The following ATG5 variants were observed in gnomAD, a reference collection of about 807,000 sequenced individuals.
ATG5 encodes autophagy related 5, also known as autophagy protein 5.
A neutral mutation model predicts 36.5 loss-of-function variants in ATG5; 14 were observed. The ratio of observed to expected loss-of-function variants is 0.38; its 90% confidence interval spans 0.25 to 0.60. The LOEUF is 0.60. Ranked by LOEUF, ATG5 falls within the 20% of genes least tolerant of loss-of-function variation. ATG5 has a pLI of 0.60. For missense variants in ATG5, 195 were observed against 326.7 expected, an observed-to-expected ratio of 0.60 and a Z score of 3.11; for synonymous variants, 95 against 101.5, an observed-to-expected ratio of 0.94 and a Z score of 0.38.
At chr6:106,187,881 A>G (rs1775832688) in intron 7 of ATG5, among the ~76,000 whole-genome samples, 1 of 152,068 alleles carries the variant, frequency 6.6e-6, no homozygotes, top group Non-Finnish European at 1.5e-5. Context: ...ACAGTTGATA[A>G]AAGAATGTGA....
chr6:106,284,900 T>C (rs1419504414), intron 4 of ATG5, among the ~76,000 whole-genome samples: 12 of 152,306 alleles, frequency 7.9e-5, no homozygotes. Context: ...TAAACTGTTA[T>C]TAGATAGTAT....
At chr6:106,298,298 T>C (rs562857198) in intron 3 of ATG5, among the ~76,000 whole-genome samples, 4 of 152,254 alleles carry the variant, frequency 2.6e-5, no homozygotes, top group South Asian at 2.1e-4. Context: ...TTAAATTTCA[T>C]TGGTCCCAGA....
intron 3 of ATG5, among the ~76,000 whole-genome samples, chr6:106,304,631 CTG>C (rs949300934): frequency 6.2e-4 from 94 of 152,228 alleles, no homozygotes; most frequent in African/African-American, 2.2e-3. Context: ...GGTAAAACAA[CTG>C]AGATGGAAAT....
At chr6:106,233,536 A>G (rs1483669878) in intron 6 of ATG5, among the ~76,000 whole-genome samples, 1 of 152,196 alleles carries the variant, frequency 6.6e-6, no homozygotes, top group African/African-American at 2.4e-5. Context: ...CAGGTCGATG[A>G]GCTTGCAACC....
intron 5 of ATG5, among the ~76,000 whole-genome samples, chr6:106,257,881 T>A (rs1303441650): frequency 6.6e-6 from 1 of 152,200 alleles, no homozygotes; most frequent in Non-Finnish European, 1.5e-5. Context: ...CAAACAAGTT[T>A]TTATTTTGTA....
chr6:106,316,324 G>T, intron 1 of ATG5, 58 bp from the exon 2 acceptor site: 4 of 497,110 alleles, frequency 8.0e-6, no homozygotes, highest in Non-Finnish European at 6.6e-6. Context: ...GAACCTGCTA[G>T]AAAACAAAAG....
At position 106,322,369 on chromosome 6, in the gene ATG5, T is replaced by C. The variant is rs564769241; in HGVS notation, c.-59+3157A>G. Among the ~76,000 whole-genome samples, 18 of 152,304 alleles carry C rather than the reference T, an allele frequency of 1.2e-4. No homozygotes were observed. In the South Asian group the frequency reaches 3.7e-3, roughly 32 times the overall value. ...CAAAACCCCCAACTACCTAGAAATA[T>C]CAAATACTTACTAAACTAAGCGTGT... On this transcript the variant is annotated intron_variant, in intron 1 of 7. Transcript: ENST00000369076.
chr6:106,249,974 C>A (rs1204761497), intron 5 of ATG5, among the ~76,000 whole-genome samples: 1 of 152,132 alleles, frequency 6.6e-6, no homozygotes, highest in East Asian at 1.9e-4. Context: ...TATAAGAGTT[C>A]TTTATAAATT....
intron 1 of ATG5, among the ~76,000 whole-genome samples, chr6:106,320,952 T>C (rs1002225278): frequency 6.6e-6 from 1 of 152,098 alleles, no homozygotes; most frequent in African/African-American, 2.4e-5. Flanking sequence ...CCTAGAGAGG[T>C]AGTCATGGAC....
At chr6:106,200,438 T>TA (rs1424143990) in intron 7 of ATG5, among the ~76,000 whole-genome samples, 8 of 151,776 alleles carry the variant, frequency 5.3e-5, no homozygotes, top group East Asian at 1.9e-4. Flanking sequence ...TAAAGTTTTT[T>TA]AAAAAAAATT....
chr6:106,235,286 T>G (rs911391356), intron 6 of ATG5, among the ~76,000 whole-genome samples: 2 of 152,116 alleles, frequency 1.3e-5, no homozygotes, highest in Admixed American at 1.3e-4. Context: ...CCAGATGAAG[T>G]CCATGACTAA....
At chr6:106,264,039 A>C (rs1323555660) in intron 5 of ATG5, among the ~76,000 whole-genome samples, 1 of 152,116 alleles carries the variant, frequency 6.6e-6, no homozygotes, top group Non-Finnish European at 1.5e-5. Flanking sequence ...GTAATAACAA[A>C]CTCTTCTGAG....
intron 3 of ATG5, among the ~76,000 whole-genome samples, chr6:106,300,610 C>T (rs1040368395): frequency 4.6e-5 from 7 of 152,172 alleles, no homozygotes; most frequent in African/African-American, 1.2e-4. Flanking sequence ...TAGCCTACTA[C>T]GTACCTAGGC....
At chr6:106,239,011 T>G (rs1339582632) in intron 6 of ATG5, among the ~76,000 whole-genome samples, 1 of 152,166 alleles carries the variant, frequency 6.6e-6, no homozygotes, top group African/African-American at 2.4e-5. Context: ...ATCACTTAGA[T>G]CTGATAAAGA....
At chr6:106,199,943 T>C (rs7765235) in intron 7 of ATG5, among the ~76,000 whole-genome samples, 8,407 of 152,260 alleles carry the variant, frequency 0.055, 344 homozygotes, top group Non-Finnish European at 0.076. Flanking sequence ...CTTTATAAAA[T>C]GTATTTATAA....
chr6:106,229,860 C>T (rs541292930), intron 6 of ATG5, among the ~76,000 whole-genome samples: 2 of 152,316 alleles, frequency 1.3e-5, no homozygotes, highest in African/African-American at 4.8e-5. Context: ...GTGAGCACAC[C>T]TCACCGGTTC....
chr6:106,241,042 A>C (rs559074019), intron 6 of ATG5, among the ~76,000 whole-genome samples: 31 of 152,290 alleles, frequency 2.0e-4, no homozygotes, highest in South Asian at 1.2e-3. Flanking sequence ...AGTCCCAGCT[A>C]CTCAGGAGGC....
intron 4 of ATG5, 22 bp downstream of exon 4, chr6:106,293,006 G>A (rs1278708591): frequency 6.3e-7 from 1 of 1,588,910 alleles, no homozygotes; most frequent in East Asian, 2.2e-5. Context: ...ATGGGACGAA[G>A]GAGAAATGCA....
intron 3 of ATG5, among the ~76,000 whole-genome samples, chr6:106,297,717 A>ACAC (rs1247142034): frequency 8.9e-5 from 12 of 135,452 alleles, no homozygotes; most frequent in Non-Finnish European, 1.7e-4. Context: ...AAATGACTTA[A>ACAC]ACACACACAC....
Sources: allele counts gnomAD v4.1 joint callset (sites outside exome capture counted in the v4.1 genomes callset), GRCh38; gene constraint gnomAD v4.1.1; transcripts MANE v1.5; gene names NCBI Gene and HGNC (gene_info 2026-07-23, HGNC 2026-07-21).